The following LRRC8C variants were observed in gnomAD, a reference collection of about 807,000 sequenced individuals.
The protein encoded by LRRC8C is leucine rich repeat containing 8 VRAC subunit C.
A neutral mutation model predicts 55.3 loss-of-function variants in LRRC8C; 20 were observed. The ratio of observed to expected loss-of-function variants is 0.36; its 90% CI spans 0.25 to 0.53. The LOEUF is 0.53. Ranked by LOEUF, LRRC8C falls within the 20% of genes least tolerant of loss-of-function variation. The probability of loss-of-function intolerance (pLI) is 0.92; values close to 1 mark genes in which losing one functional copy is unlikely to be tolerated. For missense variants in LRRC8C, 659 were observed against 951.4 expected (o/e 0.69, Z 4.04); for synonymous variants, 376 against 360.7 (o/e 1.04, Z -0.48).
chr1:89,619,415 T>C, the LRRC8C span, among the ~76,000 whole-genome samples: 1 of 150,260 alleles, frequency 6.7e-6, no homozygotes, highest in South Asian at 2.1e-4. Flanking sequence ...TCAATTTTAA[T>C]AAAAATAACA....
At chr1:89,702,933 G>C (rs1351033470) in intron 2 of LRRC8C, among the ~76,000 whole-genome samples, 2 of 152,136 alleles carry the variant, frequency 1.3e-5, no homozygotes, top group Non-Finnish European at 2.9e-5. Flanking sequence ...AGTTTACCCA[G>C]AGCCCAGCAC....
chr1:89,711,641 C>T (rs545218520), intron 2 of LRRC8C, among the ~76,000 whole-genome samples: 11 of 152,314 alleles, frequency 7.2e-5, no homozygotes, highest in Middle Eastern at 3.4e-3. Flanking sequence ...TCACATCCTA[C>T]CTTATCTTCA....
chr1:89,661,032 T>TTTTTG (rs1371217715), intron 1 of LRRC8C, among the ~76,000 whole-genome samples: 1 of 152,216 alleles, frequency 6.6e-6, no homozygotes, highest in Non-Finnish European at 1.5e-5. Context: ...ATAGTGTTTC[T>TTTTTG]TTTTGTTTTG....
At chr1:89,641,334 T>C (rs1262657188) in intron 1 of LRRC8C, among the ~76,000 whole-genome samples, 2 of 152,212 alleles carry the variant, frequency 1.3e-5, no homozygotes, top group Non-Finnish European at 2.9e-5. Flanking sequence ...TGGTCAGATA[T>C]AGCTAACCTA....
rs576064325 is a variant in LRRC8C, at chr1:89,679,419, T to G, written c.-4-7051T>G. Among the ~76,000 whole-genome samples, 222 of 152,162 alleles carry G rather than the reference T, an allele frequency of 1.5e-3. 1 individual carries two copies. The highest frequency in any genetic ancestry group is 5.1e-3 in the African/African-American group (213 of 41,528). ...AAATACAAAAATTAGCCGGGCGTGG[T>G]GGTACATACCTGTAGTCCCAGCTAC... On this transcript the variant is annotated intron_variant, in intron 1 of 2. Transcript: ENST00000370454.
the LRRC8C span, among the ~76,000 whole-genome samples, chr1:89,616,821 G>C: frequency 6.6e-6 from 1 of 152,206 alleles, no homozygotes; most frequent in Non-Finnish European, 1.5e-5. Context: ...AGGGAATTCT[G>C]AGCCACTATG....
the LRRC8C span, among the ~76,000 whole-genome samples, chr1:89,622,998 T>C: frequency 6.6e-6 from 1 of 152,162 alleles, no homozygotes; most frequent in South Asian, 2.1e-4. Context: ...TTCGAGACAC[T>C]TAAGAGATCA....
At chr1:89,620,044 T>G in the LRRC8C span, among the ~76,000 whole-genome samples, 2 of 152,216 alleles carry the variant, frequency 1.3e-5, no homozygotes, top group African/African-American at 4.8e-5. Context: ...ATTTATTGCC[T>G]TAGTTTTGGA....
At chr1:89,707,712 G>C (rs528659406) in intron 2 of LRRC8C, among the ~76,000 whole-genome samples, 17 of 151,792 alleles carry the variant, frequency 1.1e-4, no homozygotes, top group African/African-American at 4.1e-4. Context: ...AGATTGAAAG[G>C]TATTTCTATC....
At position 89,717,995 on chromosome 1, in the gene LRRC8C, G is replaced by C. The variant is rs1658873522; in HGVS notation, c.*3013G>C. The C allele has an allele frequency of 6.6e-6, 1 of 152,144 alleles. No individual in the cohort carries two copies. The highest frequency in any genetic ancestry group is 2.1e-4 in the South Asian group (1 of 4,838). The allele number at this position is 152,144 out of a possible 1,614,324, so 9.4% of individuals were successfully genotyped here. Reference sequence around the variant, plus strand: ...TAAGTACAGAACAAACAATTGTTTGGTGATGGCCTGGTTGAAAGAGAGCAT... The same window carrying C: ...TAAGTACAGAACAAACAATTGTTTGCTGATGGCCTGGTTGAAAGAGAGCAT... On this transcript the variant is annotated 3_prime_UTR_variant, in exon 3 of 3. Transcript: ENST00000370454.
At chr1:89,664,408 C>T (rs1435259892) in intron 1 of LRRC8C, among the ~76,000 whole-genome samples, 3 of 152,160 alleles carry the variant, frequency 2.0e-5, no homozygotes, top group African/African-American at 7.2e-5. Context: ...AACCCTTTCC[C>T]CATTTCTTAT....
At chr1:89,685,613 T>C (rs1557661101) in intron 1 of LRRC8C, among the ~76,000 whole-genome samples, 1 of 152,172 alleles carries the variant, frequency 6.6e-6, no homozygotes, top group Non-Finnish European at 1.5e-5. Context: ...TGGGTCACAC[T>C]AAAGGCAGTA....
intron 1 of LRRC8C, among the ~76,000 whole-genome samples, chr1:89,685,204 C>G (rs560664390): frequency 6.7e-6 from 1 of 150,284 alleles, no homozygotes; most frequent in South Asian, 2.1e-4. Flanking sequence ...CTGCAAGCTC[C>G]GCTTCCCGGG....
intron 1 of LRRC8C, among the ~76,000 whole-genome samples, chr1:89,644,234 G>A (rs1212998603): frequency 6.6e-6 from 1 of 152,218 alleles, no homozygotes; most frequent in Non-Finnish European, 1.5e-5. Context: ...GAGTGCAGGG[G>A]CACAATCTCG....
intron 2 of LRRC8C, among the ~76,000 whole-genome samples, chr1:89,704,635 C>T (rs1175567679): frequency 6.6e-6 from 1 of 152,114 alleles, no homozygotes; most frequent in African/African-American, 2.4e-5. Context: ...AGGACTCTAC[C>T]TTCTGTGTTA....
chr1:89,630,621 G>A (rs1203646040), upstream of LRRC8C, among the ~76,000 whole-genome samples: 2 of 152,230 alleles, frequency 1.3e-5, no homozygotes, highest in East Asian at 3.8e-4. Flanking sequence ...CTGGAGATGT[G>A]CTGAACTTCA....
chr1:89,633,793 G>C (rs1656203453), intron 1 of LRRC8C, among the ~76,000 whole-genome samples: 1 of 152,204 alleles, frequency 6.6e-6, no homozygotes, highest in Admixed American at 6.5e-5. Context: ...GCAGGGAAAG[G>C]AATTGGAAGG....
At chr1:89,627,063 A>T in the LRRC8C span, among the ~76,000 whole-genome samples, 2 of 151,746 alleles carry the variant, frequency 1.3e-5, no homozygotes, top group Non-Finnish European at 2.9e-5. Flanking sequence ...GGGGCTTTCC[A>T]AAAATTGCTT....
chr1:89,626,583 A>G, the LRRC8C span: 1 of 152,226 alleles, frequency 6.6e-6, no homozygotes, highest in Non-Finnish European at 1.5e-5. Flanking sequence ...AGAATGGCCT[A>G]CAGAGCTAGG....
Sources: gnomAD v4.1 joint callset for allele counts (sites outside exome capture counted in the v4.1 genomes callset) on GRCh38, gnomAD v4.1.1 for gene constraint, MANE v1.5 for transcripts, NCBI Gene and HGNC (gene_info 2026-07-23, HGNC 2026-07-21) for gene names.